Variants in NHS observed in about 807,000 individuals in gnomAD.
NHS encodes the protein NHS actin remodeling regulator.
NHS carries 5 observed loss-of-function variants against 72.5 expected under a neutral mutation model. The ratio of observed to expected loss-of-function variants is 0.07; its 90% CI spans 0.04 to 0.14. The LOEUF is 0.14. NHS is among the 10% of genes least tolerant of loss of function. The probability of loss-of-function intolerance (pLI) is 1.00; values close to 1 mark genes in which losing one functional copy is unlikely to be tolerated. For missense variants in NHS, 1,072 were observed against 1,355.7 expected, an observed-to-expected ratio of 0.79 and a Z score of 3.29; for synonymous variants, 464 against 547.7, an observed-to-expected ratio of 0.85 and a Z score of 2.13.
At chrX:17,639,538 G>A (rs1007042425) in intron 1 of NHS, among the ~76,000 whole-genome samples, 16 of 110,694 alleles carry the variant, frequency 1.4e-4, no homozygotes, top group African/African-American at 5.3e-4. Flanking sequence ...GAGCCAAACT[G>A]GCTCTTATAA....
chrX:17,547,314 C>T (rs1238352265), intron 1 of NHS, among the ~76,000 whole-genome samples: 1 of 112,557 alleles, frequency 8.9e-6, no homozygotes, highest in African/African-American at 3.2e-5. Context: ...CCATCCCTAC[C>T]CCTCTGATCC....
rs1172408901 is a variant in NHS at position 17,735,628 on chromosome X, G to A, written c.*3164G>A. On this transcript the variant is annotated 3_prime_UTR_variant, in exon 9 of 9. Coordinates refer to ENST00000676302, the MANE Select transcript of NHS (RefSeq NM_001291867.2). ...GTGGTGGCACGTAGAGAACTAGATG[G>A]TAATAAAGATTTAAAACTATGAAGA... 8.9e-6 allele frequency: 1 copy of A among 112,472 alleles called. No individual in the cohort carries two copies. Among genetic ancestry groups the A allele is most frequent in the Non-Finnish European group, 1.9e-5 (1 of 53,263 alleles). The allele number at this position is 112,472 out of a possible 1,213,427, so 9.3% of individuals were successfully genotyped here.
At chrX:17,400,652 A>G (rs140375056) in intron 1 of NHS, among the ~76,000 whole-genome samples, 1 of 111,962 alleles carries the variant, frequency 8.9e-6, no homozygotes, top group African/African-American at 3.2e-5. Flanking sequence ...ATCAAAAATA[A>G]TAAGATATTT....
rs2066503325 is a variant in NHS at position 17,733,694 on chromosome X, G to A, written c.*1230G>A. 8.9e-6 allele frequency: 1 copy of A among 112,133 alleles called. No individual in the cohort carries two copies. Among genetic ancestry groups the A allele is most frequent in the African/African-American group, 3.3e-5 (1 of 30,713 alleles). 9.2% of individuals were successfully genotyped at this position (112,133 alleles called of 1,213,427 possible). Reference sequence around the variant, plus strand: ...AAATGACACTGTGAACAATGTAGTTGGAAAATAGGTATGTGTATATGCATT... The same window carrying A: ...AAATGACACTGTGAACAATGTAGTTAGAAAATAGGTATGTGTATATGCATT... On this transcript the variant is annotated 3_prime_UTR_variant, in exon 9 of 9. Transcript: ENST00000676302.
chrX:17,586,104 C>G lies in NHS; in HGVS notation c.566-101638C>G, dbSNP rs552268574. 40 of 111,171 alleles carry G rather than the reference C, an allele frequency of 3.6e-4. No homozygotes were observed. In the East Asian group the frequency reaches 0.011, roughly 30 times the overall value. 9.2% of individuals were successfully genotyped at this position (111,171 alleles called of 1,213,427 possible). A position where few individuals can be genotyped will look rare whatever the true frequency, so the allele number is the denominator to read the frequency against. On this transcript the variant is annotated intron_variant, in intron 1 of 8. Coordinates refer to ENST00000676302, the MANE Select transcript of NHS (RefSeq NM_001291867.2). Reference sequence around the variant, plus strand: ...CATCTCCTTGTCTTGGTTCTGCCACCAACCAGCTCTGGGGCCTGGGACAAG... The same window carrying G: ...CATCTCCTTGTCTTGGTTCTGCCACGAACCAGCTCTGGGGCCTGGGACAAG...
At position 17,727,121 on chromosome X, in the gene NHS, T is replaced by C; in HGVS notation, c.3015T>C (p.Asn1005=). The change falls in exon 7 of 9, where the codon AAT becomes AAC. Residue 1005 remains asparagine (N), a synonymous_variant. Transcript: ENST00000676302. ...ATTPSLPSVD[N]EFKLASPEKL... ...CCCCATCTCTTCCTTCTGTTGACAA[T>C]GAGTTTAAACTGGCTTCACCAGAAA... 2.5e-6 allele frequency: 3 copies of C among 1,211,901 alleles called. No individual in the cohort carries two copies. The highest frequency in any genetic ancestry group is 3.3e-6 in the Non-Finnish European group (3 of 895,538).
chrX:17,660,804 C>T (rs2065978683), intron 1 of NHS, among the ~76,000 whole-genome samples: 1 of 112,103 alleles, frequency 8.9e-6, no homozygotes, highest in South Asian at 3.7e-4. Context: ...CCAGCCCAAA[C>T]CTCAGGTAAG....
At chrX:17,635,449 C>T in intron 1 of NHS, 1 of 1,165,759 alleles carries the variant, frequency 8.6e-7, no homozygotes, top group Non-Finnish European at 1.1e-6. Flanking sequence ...TCTCGCCCTC[C>T]ATCCCCCCCG....
At chrX:17,432,380 A>G (rs192435202) in intron 1 of NHS, among the ~76,000 whole-genome samples, 1 of 112,606 alleles carries the variant, frequency 8.9e-6, no homozygotes, top group Admixed American at 9.4e-5. Context: ...ACTGCTTTGT[A>G]CACAGTACCA....
chrX:17,507,080 T>G (rs2065062325), intron 1 of NHS, among the ~76,000 whole-genome samples: 1 of 112,740 alleles, frequency 8.9e-6, no homozygotes, highest in Non-Finnish European at 1.9e-5. Flanking sequence ...AGTCTGTATC[T>G]GGGTTGTATT....
At chrX:17,495,996 G>C in intron 1 of NHS, among the ~76,000 whole-genome samples, 1 of 111,348 alleles carries the variant, frequency 9.0e-6, no homozygotes, top group East Asian at 2.8e-4. Flanking sequence ...TGGTGAGCCA[G>C]CCTGGAGGGA....
chrX:17,434,654 A>T (rs1402110086), intron 1 of NHS, among the ~76,000 whole-genome samples: 3 of 110,449 alleles, frequency 2.7e-5, no homozygotes, highest in Non-Finnish European at 5.7e-5. Context: ...TGTGTTAACC[A>T]GGATGGTCTC....
At position 17,704,208 on chromosome X, in the gene NHS, T is replaced by C. The variant is rs866122308; in HGVS notation, c.852+11740T>C. ...CAGGAGGATCGCTTGAGCCCAGGAG[T>C]TGGAGGCTGCAGTGAGCCATGATGG... On this transcript the variant is annotated intron_variant, in intron 3 of 8. Transcript: ENST00000676302. 2.0e-4 allele frequency among the ~76,000 whole-genome samples: 22 copies of C among 110,577 alleles called. No homozygotes were observed. The Middle Eastern group carries it at 0.019, about 94-fold the overall frequency.
intron 1 of NHS, among the ~76,000 whole-genome samples, chrX:17,418,969 C>T (rs929541753): frequency 8.9e-6 from 1 of 112,270 alleles, no homozygotes; most frequent in African/African-American, 3.2e-5. Flanking sequence ...GAGCAGAGAC[C>T]ACTCCTTCCT....
Position 17,732,904 on chromosome X carries a change from TAC to T in NHS, c.*444_*445del, listed in dbSNP as rs2066498429. ...TAAAGCAAAATTTAGAAGAAAGAAC[TAC>T]ACATATGTAAATACCATATTTTTGA... On this transcript the variant is annotated 3_prime_UTR_variant, in exon 9 of 9. Transcript: ENST00000676302. 5.9e-6 allele frequency: 1 copy of T among 168,932 alleles called. No homozygotes were observed. The highest frequency in any genetic ancestry group is 7.3e-5 in the Admixed American group (1 of 13,673). The allele number at this position is 168,932 out of a possible 1,213,427, so 13.9% of individuals were successfully genotyped here. A position where few individuals can be genotyped will look rare whatever the true frequency, so the allele number is the denominator to read the frequency against.
In NHS at chrX:17,528,274, G is replaced by A. The variant is rs764393484; in HGVS notation, c.565+151952G>A. 6.9e-4 allele frequency among the ~76,000 whole-genome samples: 77 copies of A among 112,124 alleles called. No individual in the cohort carries two copies. In the Middle Eastern group the frequency reaches 0.037, roughly 53 times the overall value. On this transcript the variant is annotated intron_variant, in intron 1 of 8. Transcript: ENST00000676302. Reference sequence around the variant, plus strand: ...AATGATCCAGCCTCAAATGTCACCAGTGCCACCACAAGGAGCCCCTGATCT... The same window carrying A: ...AATGATCCAGCCTCAAATGTCACCAATGCCACCACAAGGAGCCCCTGATCT...
At chrX:17,668,468 C>T (rs1465770511) in intron 1 of NHS, among the ~76,000 whole-genome samples, 1 of 111,931 alleles carries the variant, frequency 8.9e-6, no homozygotes, top group East Asian at 2.8e-4. Flanking sequence ...CTCACTCCTT[C>T]TGTTCCTGCA....
intron 1 of NHS, among the ~76,000 whole-genome samples, chrX:17,447,785 G>GCA (rs58710651): frequency 0.052 from 4,649 of 89,481 alleles, 143 homozygotes; most frequent in African/African-American, 0.12. Flanking sequence ...ACACACACAC[G>GCA]CACACACACA....
At chrX:17,677,070 C>A (rs5955731) in intron 1 of NHS, among the ~76,000 whole-genome samples, 20,305 of 110,737 alleles carry the variant, frequency 0.18, 3,192 homozygotes, top group African/African-American at 0.49. Context: ...AGATTTCTGG[C>A]AGTAGAATCT....
Sources: gnomAD v4.1 joint callset for allele counts (sites outside exome capture counted in the v4.1 genomes callset) on GRCh38, gnomAD v4.1.1 for gene constraint, MANE v1.5 for transcripts, NCBI Gene and HGNC (gene_info 2026-07-23, HGNC 2026-07-21) for gene names.